C2CD3: variants seen among roughly 807,000 people sequenced by gnomAD.
C2CD3 encodes the protein C2 domain-containing protein 3.
Under a neutral mutation model 234.0 loss-of-function variants are expected in C2CD3, and 148 were observed. The ratio of observed to expected loss-of-function variants is 0.63; its 90% confidence interval spans 0.55 to 0.72. The LOEUF (loss-of-function observed/expected upper bound fraction) is 0.72, where lower values mean the gene tolerates loss of function less well. Among genes scored for constraint, C2CD3 ranks in the 30% least tolerant of loss-of-function variants. The pLI, the probability that C2CD3 is intolerant of heterozygous loss-of-function variation, is 0.00. For synonymous variants in C2CD3, 1,000 were observed against 1,035.4 expected (o/e 0.97, Z 0.66); for missense variants, 2,577 against 2,811.5 (o/e 0.92, Z 1.89).
At chr11:74,124,037 TCTAA>T (rs1166457266) in intron 7 of C2CD3, among the ~76,000 whole-genome samples, 1 of 152,122 alleles carries the variant, frequency 6.6e-6, no homozygotes, top group Non-Finnish European at 1.5e-5. Flanking sequence ...ATTTTTACTT[TCTAA>T]CTTTCTTTCA....
At chr11:74,072,716 C>CTTT (rs11404083) in intron 24 of C2CD3, among the ~76,000 whole-genome samples, 92 of 151,174 alleles carry the variant, frequency 6.1e-4, no homozygotes, top group African/African-American at 2.1e-3. Context: ...TTTGTCTGTC[C>CTTT]TTTTTTTTTA....
intron 7 of C2CD3, among the ~76,000 whole-genome samples, chr11:74,127,925 C>T (rs1957471001): frequency 6.6e-6 from 1 of 151,676 alleles, no homozygotes; most frequent in African/African-American, 2.4e-5. Flanking sequence ...TGTAGTGGCG[C>T]GATCTCGGCT....
At position 74,100,583 on chromosome 11, in the gene C2CD3, G is replaced by T; in HGVS notation, c.2674C>A (p.Gln892Lys). The change falls in exon 15 of 33, where the codon CAG (glutamine) becomes AAG (lysine). Residue 892 changes from glutamine (Q) to lysine (K), a missense_variant. Physicochemically the swap from Gln to Lys is moderately conservative, Grantham distance 53. Transcript: ENST00000334126. ...ETWNKVRSPGQDKLLGLVKLP... is the reference protein window; with the variant it reads ...ETWNKVRSPGKDKLLGLVKLP... ...TTCACCAGCCCGAGCAGCTTGTCCT[G>T]TCCTGGGCTCCGCACCTTATTCCAA... is the stretch of plus-strand genomic sequence containing the variant. 2.5e-6 allele frequency: 4 copies of T among 1,614,082 alleles called. No homozygotes were observed. The highest frequency in any genetic ancestry group is 3.4e-6 in the Non-Finnish European group (4 of 1,179,960).
At chr11:74,064,215 A>C (rs965464088) in intron 24 of C2CD3, among the ~76,000 whole-genome samples, 6 of 152,146 alleles carry the variant, frequency 3.9e-5, no homozygotes, top group Admixed American at 3.9e-4. Flanking sequence ...TGTCCCTATA[A>C]GCAACTTCAG....
intron 32 of C2CD3, among the ~76,000 whole-genome samples, chr11:74,027,820 T>C (rs566331712): frequency 2.0e-5 from 3 of 152,352 alleles, no homozygotes; most frequent in Admixed American, 1.3e-4. Context: ...GATGTGGGAT[T>C]TGTACCAGAG....
At chr11:74,020,826 C>T (rs919509976) in intron 32 of C2CD3, among the ~76,000 whole-genome samples, 13 of 152,180 alleles carry the variant, frequency 8.5e-5, no homozygotes, top group South Asian at 2.1e-4. Flanking sequence ...TATTCAATGA[C>T]GGGAAGTTAT....
intron 3 of C2CD3, among the ~76,000 whole-genome samples, chr11:74,140,746 A>G (rs1411797376): frequency 6.6e-6 from 1 of 152,234 alleles, no homozygotes; most frequent in Non-Finnish European, 1.5e-5. Context: ...AAAGAAGGAC[A>G]TAACATTTTC....
intron 32 of C2CD3, among the ~76,000 whole-genome samples, chr11:74,018,555 G>A (rs1469663269): frequency 2.0e-5 from 3 of 152,180 alleles, no homozygotes; most frequent in African/African-American, 7.2e-5. Context: ...AGGTGGACCT[G>A]CCAATGGATT....
intron 22 of C2CD3, among the ~76,000 whole-genome samples, chr11:74,080,981 G>A (rs1005104133): frequency 2.6e-5 from 4 of 152,044 alleles, no homozygotes; most frequent in African/African-American, 9.7e-5. Context: ...ACTTCTCTCT[G>A]GCAGGCACAT....
At chr11:74,076,583 C>T (rs1285942817) in intron 23 of C2CD3, among the ~76,000 whole-genome samples, 2 of 152,184 alleles carry the variant, frequency 1.3e-5, no homozygotes, top group African/African-American at 4.8e-5. Flanking sequence ...GTCCAAACTT[C>T]AGCTGAGAAG....
chr11:74,139,823 T>G lies in C2CD3; in HGVS notation c.489A>C (p.Ser163=), dbSNP rs757817344. ...TTTCTGACAGAGGTTCCAGGGCAAG[T>G]GAGACCTAAGAGAGACAGGTAGTAT... ...TSKKLGELQV[S]LALEPLSETY... is the part of the protein sequence containing the mutation. The change falls in exon 4 of 33, where the codon TCA becomes TCC. Residue 163 remains serine (S), a synonymous_variant. Transcript: ENST00000334126. 6.2e-7 allele frequency: 1 copy of G among 1,602,398 alleles called. No individual in the cohort carries two copies. The highest frequency in any genetic ancestry group is 1.1e-5 in the South Asian group (1 of 90,832).
At chr11:74,015,980 G>C (rs566099628) in intron 32 of C2CD3, among the ~76,000 whole-genome samples, 59 of 152,080 alleles carry the variant, frequency 3.9e-4, no homozygotes, top group Non-Finnish European at 6.9e-4. Flanking sequence ...AGGAGGCTGT[G>C]GTGGGAGGAT....
intron 8 of C2CD3, among the ~76,000 whole-genome samples, chr11:74,122,027 G>A (rs1035690025): frequency 6.6e-6 from 1 of 152,152 alleles, no homozygotes; most frequent in Admixed American, 6.5e-5. Flanking sequence ...CAGATTCCTA[G>A]AACACTCTTG....
chr11:74,166,464 T>C (rs1463606432), intron 2 of C2CD3, among the ~76,000 whole-genome samples: 1 of 152,202 alleles, frequency 6.6e-6, no homozygotes, highest in African/African-American at 2.4e-5. Context: ...GCACATTTGA[T>C]GTTTTAACTC....
At position 74,012,989 on chromosome 11, in the gene C2CD3, C is replaced by T. The variant is rs1951746469; in HGVS notation, c.*396G>A. 6.5e-6 allele frequency: 1 copy of T among 154,524 alleles called. No individual in the cohort carries two copies. Among genetic ancestry groups the T allele is most frequent in the African/African-American group, 2.4e-5 (1 of 41,546 alleles). 9.6% of individuals were successfully genotyped at this position (154,524 alleles called of 1,614,324 possible). On this transcript the variant is annotated 3_prime_UTR_variant, in exon 33 of 33. Coordinates refer to ENST00000334126, the MANE Select transcript of C2CD3 (RefSeq NM_001286577.2). ...GCACAATGCACACAATCTACATGTC[C>T]CTCCTCCCCAACTTTTAAGGCAAAA...
At chr11:74,143,274 A>T (rs1302962633) in intron 3 of C2CD3, among the ~76,000 whole-genome samples, 2 of 152,188 alleles carry the variant, frequency 1.3e-5, no homozygotes, top group Non-Finnish European at 2.9e-5. Context: ...TATCAGAGAG[A>T]GCAAATTAGT....
chr11:74,080,736 A>G (rs936769670), intron 22 of C2CD3, among the ~76,000 whole-genome samples: 3 of 152,150 alleles, frequency 2.0e-5, no homozygotes, highest in Non-Finnish European at 4.4e-5. Context: ...GTTCTCTCAC[A>G]AACTGTAGCT....
At chr11:74,067,945 T>C (rs924052200) in intron 24 of C2CD3, among the ~76,000 whole-genome samples, 21 of 152,154 alleles carry the variant, frequency 1.4e-4, no homozygotes, top group African/African-American at 5.1e-4. Context: ...ATAACAAGGA[T>C]GATGATGTAG....
At position 74,063,267 on chromosome 11, in the gene C2CD3, A is replaced by G. The variant is rs542398373; in HGVS notation, c.4952-5723T>C. Among the ~76,000 whole-genome samples the G allele has an allele frequency of 5.3e-4, 81 of 152,358 alleles. 1 individual carries two copies. Among genetic ancestry groups the G allele is most frequent in the African/African-American group, 1.9e-3 (80 of 41,584 alleles). On this transcript the variant is annotated intron_variant, in intron 24 of 32. Transcript: ENST00000334126. ...AATAGAAAAAGAGGGAATCTTCCCTAATTCATTTTATGAGGCCAACATCAT... is the reference window on the plus strand; with the variant it reads ...AATAGAAAAAGAGGGAATCTTCCCTGATTCATTTTATGAGGCCAACATCAT...
Sources: gnomAD v4.1 joint callset for allele counts (sites outside exome capture counted in the v4.1 genomes callset) on GRCh38, gnomAD v4.1.1 for gene constraint, MANE v1.5 for transcripts, NCBI Gene and HGNC (gene_info 2026-07-23, HGNC 2026-07-21) for gene names.